The following PCDH15 variants were observed in gnomAD, a reference collection of about 807,000 sequenced individuals.
The protein encoded by PCDH15 is protocadherin related 15.
PCDH15 carries 129 observed loss-of-function variants against 178.5 expected under a neutral mutation model. That is an observed-to-expected ratio of 0.72 (90% CI 0.63 to 0.84). The LOEUF (loss-of-function observed/expected upper bound fraction) is 0.84. Ranked by LOEUF, PCDH15 falls within the 40% of genes least tolerant of loss-of-function variation. The pLI is 0.00. For missense variants in PCDH15, 2,230 were observed against 2,099.9 expected, an observed-to-expected ratio of 1.06 and a Z score of -1.21; for synonymous variants, 800 against 732.0, an observed-to-expected ratio of 1.09 and a Z score of -1.50.
In PCDH15 at chr10:53,923,327, T is replaced by C. The variant is rs544482057; in HGVS notation, c.3373+15488A>G. 1.6e-4 allele frequency among the ~76,000 whole-genome samples: 24 copies of C among 152,312 alleles called. 1 individual carries two copies. The highest frequency in any genetic ancestry group is 4.1e-4 in the South Asian group (2 of 4,828). Reference sequence around the variant, plus strand: ...TAAGAACAGGAACAAGATTGATTAATTGAACTTACGAAAGTTCCTGGGAAT... The same window carrying C: ...TAAGAACAGGAACAAGATTGATTAACTGAACTTACGAAAGTTCCTGGGAAT... On this transcript the variant is annotated intron_variant, in intron 25 of 37. Coordinates refer to ENST00000644397, the MANE Select transcript of PCDH15 (RefSeq NM_001384140.1).
upstream of PCDH15, among the ~76,000 whole-genome samples, chr10:55,320,828 TAAGA>T (rs1220159537): frequency 6.6e-6 from 1 of 152,148 alleles, no homozygotes; most frequent in Non-Finnish European, 1.5e-5. Flanking sequence ...CACACGAAGA[TAAGA>T]AAGAACCAGT....
At chr10:53,824,143 CT>C (rs1342392222) in intron 32 of PCDH15, among the ~76,000 whole-genome samples, 1 of 65,022 alleles carries the variant, frequency 1.5e-5, no homozygotes, top group East Asian at 0.011. Flanking sequence ...AAGATTGATG[CT>C]AAAAAAAAAA....
intron 3 of PCDH15, among the ~76,000 whole-genome samples, chr10:54,831,464 C>T (rs1355010714): frequency 6.6e-6 from 1 of 152,058 alleles, no homozygotes; most frequent in Non-Finnish European, 1.5e-5. Flanking sequence ...CAGTTTTTAA[C>T]ATTGTGATGT....
At chr10:54,296,061 C>T (rs1168872683) in intron 8 of PCDH15, among the ~76,000 whole-genome samples, 32 of 139,152 alleles carry the variant, frequency 2.3e-4, no homozygotes, top group African/African-American at 8.2e-4. Context: ...AGGAGAATGG[C>T]GTGAACCCGG....
At chr10:54,045,304 G>A (rs1179110626) in intron 18 of PCDH15, among the ~76,000 whole-genome samples, 3 of 152,062 alleles carry the variant, frequency 2.0e-5, no homozygotes, top group Admixed American at 2.0e-4. Context: ...TCTGAAGACC[G>A]GGGTGATGTT....
At chr10:55,231,863 TTTC>T (rs767667606) in intron 1 of PCDH15, among the ~76,000 whole-genome samples, 4 of 152,014 alleles carry the variant, frequency 2.6e-5, no homozygotes, top group South Asian at 4.1e-4. Context: ...TTGCTTACTT[TTTC>T]TTTTTTCTGT....
intron 5 of PCDH15, among the ~76,000 whole-genome samples, chr10:54,351,295 A>G (rs1301142968): frequency 6.6e-6 from 1 of 152,188 alleles, no homozygotes; most frequent in East Asian, 1.9e-4. Context: ...GACATGGCAG[A>G]AAGCCCACAC....
chr10:53,948,363 GT>G (rs1238146100), intron 23 of PCDH15, among the ~76,000 whole-genome samples: 2 of 152,026 alleles, frequency 1.3e-5, no homozygotes, highest in Non-Finnish European at 2.9e-5. Flanking sequence ...TCAGAATTCT[GT>G]TTTGAATTAT....
At chr10:53,970,511 T>C (rs182269673) in intron 21 of PCDH15, among the ~76,000 whole-genome samples, 2,061 of 150,880 alleles carry the variant, frequency 0.014, 47 homozygotes, top group African/African-American at 0.045. Context: ...TGTTTTTTTT[T>C]AAAAAATCAA....
chr10:53,825,201 G>GAGTT (rs1284867410), intron 32 of PCDH15: 1 of 1,499,430 alleles, frequency 6.7e-7, no homozygotes, highest in Admixed American at 2.4e-5. Flanking sequence ...GTTTTTACTA[G>GAGTT]AGTTAATTTA....
intron 1 of PCDH15, among the ~76,000 whole-genome samples, chr10:54,776,773 T>C (rs1421052030): frequency 6.6e-6 from 1 of 152,192 alleles, no homozygotes; most frequent in Non-Finnish European, 1.5e-5. Context: ...GGTTTTATTG[T>C]TGGCTTCATA....
intron 2 of PCDH15, among the ~76,000 whole-genome samples, chr10:55,498,993 G>A (rs929037123): frequency 5.9e-5 from 9 of 151,876 alleles, no homozygotes; most frequent in African/African-American, 1.9e-4. Flanking sequence ...ATGTCTAGTT[G>A]ACAGCTAGCA....
intron 13 of PCDH15, among the ~76,000 whole-genome samples, chr10:54,169,171 C>A (rs2133582820): frequency 6.8e-6 from 1 of 146,136 alleles, no homozygotes; most frequent in South Asian, 2.2e-4. Context: ...CCCTGGAACT[C>A]TGGCCCAAGG....
intron 13 of PCDH15, among the ~76,000 whole-genome samples, chr10:54,160,146 G>A (rs2045563605): frequency 6.6e-6 from 1 of 152,078 alleles, no homozygotes; most frequent in African/African-American, 2.4e-5. Context: ...GAGCATAGAT[G>A]TCCTGGAGAT....
chr10:54,344,935 TA>T (rs1158187951), intron 6 of PCDH15, among the ~76,000 whole-genome samples: 1 of 138,654 alleles, frequency 7.2e-6, no homozygotes, highest in Non-Finnish European at 1.6e-5. Flanking sequence ...AACAAGACTC[TA>T]AAATCTGACC....
intron 3 of PCDH15, among the ~76,000 whole-genome samples, chr10:54,867,283 T>C (rs1287320579): frequency 2.0e-5 from 3 of 152,170 alleles, no homozygotes; most frequent in African/African-American, 7.2e-5. Context: ...CTCCAAATAC[T>C]AGTGGACCCT....
At chr10:54,835,220 A>G (rs1029999416) in intron 3 of PCDH15, among the ~76,000 whole-genome samples, 1 of 152,186 alleles carries the variant, frequency 6.6e-6, no homozygotes, top group Non-Finnish European at 1.5e-5. Flanking sequence ...AAGGAATAGA[A>G]GCATATCTTC....
chr10:54,653,467 T>C (rs2094308491), intron 2 of PCDH15, among the ~76,000 whole-genome samples: 1 of 152,224 alleles, frequency 6.6e-6, no homozygotes, highest in African/African-American at 2.4e-5. Context: ...CACATTCTAC[T>C]GCTTCTCAAA....
chr10:55,315,937 A>C (rs1448698536), intron 1 of PCDH15, among the ~76,000 whole-genome samples: 4 of 152,114 alleles, frequency 2.6e-5, no homozygotes, highest in Non-Finnish European at 5.9e-5. Flanking sequence ...AATCACTTGA[A>C]CCTGGGAGGC....
Sources: gnomAD v4.1 joint callset for allele counts (sites outside exome capture counted in the v4.1 genomes callset) on GRCh38, gnomAD v4.1.1 for gene constraint, MANE v1.5 for transcripts, NCBI Gene and HGNC (gene_info 2026-07-23, HGNC 2026-07-21) for gene names.